Variants in VPS35L observed in about 807,000 individuals in gnomAD.
VPS35L encodes the protein VPS35 endosomal protein-sorting factor-like.
VPS35L carries 83 observed loss-of-function variants against 133.0 expected under a neutral mutation model. That is an observed-to-expected ratio of 0.62 (90% CI 0.52 to 0.75). The LOEUF (loss-of-function observed/expected upper bound fraction) is 0.75. Among genes scored for constraint, VPS35L ranks in the 30% least tolerant of loss-of-function variants. VPS35L has a pLI of 0.00. For missense variants in VPS35L, 1,083 were observed against 1,206.8 expected, an observed-to-expected ratio of 0.90 and a Z score of 1.52; for synonymous variants, 423 against 449.9, an observed-to-expected ratio of 0.94 and a Z score of 0.76.
chr16:19,666,472 C>T (rs988043308), intron 26 of VPS35L, among the ~76,000 whole-genome samples: 1 of 152,108 alleles, frequency 6.6e-6, no homozygotes, highest in East Asian at 1.9e-4. Context: ...GAGAAGTCTC[C>T]AGACAATATT....
intron 28 of VPS35L, among the ~76,000 whole-genome samples, chr16:19,683,143 A>T (rs1003072854): frequency 2.0e-5 from 3 of 152,012 alleles, no homozygotes; most frequent in Non-Finnish European, 4.4e-5. Context: ...CGCTGGTCTC[A>T]AACGCCTGGG....
In VPS35L at chr16:19,569,352, A is replaced by G. The variant is rs1971287364; in HGVS notation, c.118-72A>G. ...CATTCAACTACCAGAATGGGAGGAA[A>G]GTACCCACTGGAGTGTTTCACTGGA... On this transcript the variant is annotated intron_variant, in intron 2 of 30. Coordinates refer to ENST00000417362, the MANE Select transcript of VPS35L (RefSeq NM_020314.7). 3.9e-6 allele frequency: 6 copies of G among 1,537,048 alleles called. No homozygotes were observed. The East Asian group carries it at 6.7e-5, about 17-fold the overall frequency.
At chr16:19,674,165 G>T (rs944779304) in intron 27 of VPS35L, among the ~76,000 whole-genome samples, 8 of 131,650 alleles carry the variant, frequency 6.1e-5, no homozygotes, top group Non-Finnish European at 9.3e-5. Context: ...CTTCTACCTG[G>T]TTCAGTTTTT....
At chr16:19,658,911 G>A (rs984939750) in intron 26 of VPS35L, among the ~76,000 whole-genome samples, 3 of 151,616 alleles carry the variant, frequency 2.0e-5, no homozygotes, top group African/African-American at 7.3e-5. Flanking sequence ...GTATTATTAG[G>A]TAGGTGGTTT....
intron 10 of VPS35L, 60 bp from the exon 11 acceptor site, chr16:19,608,913 CT>C: frequency 6.7e-7 from 1 of 1,500,916 alleles, no homozygotes; most frequent in Non-Finnish European, 9.3e-7. Flanking sequence ...ATAGTTTAGT[CT>C]TTTCTCCATA....
At chr16:19,614,437 A>G (rs998407207) in intron 12 of VPS35L, among the ~76,000 whole-genome samples, 1 of 152,246 alleles carries the variant, frequency 6.6e-6, no homozygotes, top group Non-Finnish European at 1.5e-5. Context: ...ATAGGGAACC[A>G]GTCTCACTTT....
intron 29 of VPS35L, among the ~76,000 whole-genome samples, chr16:19,692,858 C>A (rs757507826): frequency 6.6e-6 from 1 of 152,200 alleles, no homozygotes; most frequent in African/African-American, 2.4e-5. Flanking sequence ...CTATTGCGCC[C>A]GGCCAATATA....
At position 19,699,549 on chromosome 16, in the gene VPS35L, C is replaced by T. The variant is rs760003885; in HGVS notation, c.2694C>T (p.Ile898=). The T allele has an allele frequency of 1.2e-6, 2 of 1,614,222 alleles. No homozygotes were observed. Among genetic ancestry groups the T allele is most frequent in the South Asian group, 1.1e-5 (1 of 91,088 alleles). ...TGGGCCTTTCCTTCTTTAACAGCAT[C>T]TTGGCCCATGGGGACCTACGCAACA... ...SSLGLSFFNS[I]LAHGDLRNNK... Residue 898 remains isoleucine, a synonymous_variant, in exon 30 of 31, where the codon ATC becomes ATT. Coordinates refer to ENST00000417362, the MANE Select transcript of VPS35L (RefSeq NM_020314.7). The surrounding 1 kb of genome is among the most constrained non-coding windows in gnomAD (Gnocchi z 4.2).
chr16:19,658,619 T>G (rs1346183546), intron 26 of VPS35L, among the ~76,000 whole-genome samples: 2 of 151,904 alleles, frequency 1.3e-5, no homozygotes, highest in Non-Finnish European at 2.9e-5. Flanking sequence ...ATAAAGCTCA[T>G]GCACTATGGA....
intron 26 of VPS35L, among the ~76,000 whole-genome samples, chr16:19,666,091 A>G (rs978082558): frequency 1.4e-4 from 21 of 151,888 alleles, no homozygotes; most frequent in African/African-American, 5.1e-4. Flanking sequence ...CCTTTATCAG[A>G]TGGGTAGTTT....
chr16:19,610,559 C>T, intron 12 of VPS35L, 144 bp downstream of exon 12: 1 of 530,450 alleles, frequency 1.9e-6, no homozygotes, highest in Non-Finnish European at 3.2e-6. Flanking sequence ...ATGGCTCTGC[C>T]ACAGAAAGTA....
chr16:19,622,555 CA>C (rs1973119455), intron 14 of VPS35L, among the ~76,000 whole-genome samples: 1 of 152,018 alleles, frequency 6.6e-6, no homozygotes, highest in Admixed American at 6.6e-5. Context: ...TATTTTCGTT[CA>C]GCATATGGTT....
intron 26 of VPS35L, among the ~76,000 whole-genome samples, chr16:19,653,981 C>T (rs1211069594): frequency 6.6e-6 from 1 of 151,998 alleles, no homozygotes; most frequent in Non-Finnish European, 1.5e-5. Context: ...GGTGCCTGCC[C>T]ACCTCCATCC....
chr16:19,628,777 T>TTTA (rs1973351289), intron 17 of VPS35L, 24 bp downstream of exon 17: 1 of 783,246 alleles, frequency 1.3e-6, no homozygotes, highest in African/African-American at 2.0e-5. Flanking sequence ...TTATTTTTAT[T>TTTA]TTTATTTATT....
rs189437743 is a variant in VPS35L at position 19,625,893 on chromosome 16, C to T, written c.1225-284C>T. On this transcript the variant is annotated intron_variant, in intron 14 of 30. Coordinates refer to ENST00000417362, the MANE Select transcript of VPS35L (RefSeq NM_020314.7). ...TTTACCATGTTGGCCAGACTAGTCT[C>T]GAGCTCTTGACCTCAAGTGATCCAC... Among the ~76,000 whole-genome samples the T allele has an allele frequency of 5.3e-3, 804 of 152,178 alleles. 4 individuals carry two copies. Among genetic ancestry groups the T allele is most frequent in the Non-Finnish European group, 7.8e-3 (528 of 68,004 alleles).
At chr16:19,652,345 T>C (rs1974159280) in intron 26 of VPS35L, 1 of 325,280 alleles carries the variant, frequency 3.1e-6, no homozygotes, top group Admixed American at 4.6e-5. Flanking sequence ...TTTATTTTTA[T>C]TTTTTATAGA....
At chr16:19,583,460 G>A (rs7196891) in intron 7 of VPS35L, among the ~76,000 whole-genome samples, 5,557 of 152,158 alleles carry the variant, frequency 0.037, 325 homozygotes, top group African/African-American at 0.13. Flanking sequence ...CATGTATCCC[G>A]TGTGTAATGA....
Position 19,570,874 on chromosome 16 carries a change from TA to T in VPS35L, c.285+1284del, listed in dbSNP as rs1567388721. Among the ~76,000 whole-genome samples the T allele has an allele frequency of 3.2e-3, 282 of 88,214 alleles. 12 individuals carry two copies. The highest frequency in any genetic ancestry group is 0.015 in the African/African-American group (258 of 16,752). The allele number at this position is 88,214 out of a possible 152,430, so 57.9% of individuals were successfully genotyped here. ...ATATATATATATATATATATATATA[TA>T]TATATATATATATATTTTTGAGATG... On this transcript the variant is annotated intron_variant, in intron 3 of 30. Transcript: ENST00000417362.
At chr16:19,632,222 C>T (rs889091204) in intron 18 of VPS35L, among the ~76,000 whole-genome samples, 3 of 152,162 alleles carry the variant, frequency 2.0e-5, no homozygotes, top group Non-Finnish European at 2.9e-5. Flanking sequence ...CTCAGCCTCC[C>T]GAAGTGCTGG....
Sources: gnomAD v4.1 joint callset for allele counts (sites outside exome capture counted in the v4.1 genomes callset) on GRCh38, gnomAD v4.1.1 for gene constraint, Gnocchi (gnomAD v3.1) non-coding constraint, MANE v1.5 for transcripts, NCBI Gene and HGNC (gene_info 2026-07-23, HGNC 2026-07-21) for gene names.